RASGEF1A: variants seen among roughly 807,000 people sequenced by gnomAD.
RASGEF1A encodes RasGEF domain family member 1A.
In RASGEF1A, 18 loss-of-function variants were observed where a neutral mutation model predicts 56.4. The ratio of observed to expected loss-of-function variants is 0.32; its 90% CI spans 0.22 to 0.47. The LOEUF is 0.47. Ranked by LOEUF, RASGEF1A falls within the 20% of genes least tolerant of loss-of-function variation. The probability of loss-of-function intolerance (pLI) is 1.00; values close to 1 mark genes in which losing one functional copy is unlikely to be tolerated. For missense variants in RASGEF1A, 422 were observed against 627.1 expected (o/e 0.67, Z 3.49); for synonymous variants, 245 against 242.6 (o/e 1.01, Z -0.09).
rs539439075 is a variant in RASGEF1A, at chr10:43,252,181, T to A, written c.-7+14664A>T. Among the ~76,000 whole-genome samples the A allele has an allele frequency of 5.9e-5, 9 of 152,306 alleles. No individual in the cohort carries two copies. In the South Asian group the frequency reaches 1.9e-3, roughly 32 times the overall value. ...GGGAATAGAGGGCTGACCCAGGCAC[T>A]CCTGTGTGTGCACGGTACTGCCACC... On this transcript the variant is annotated intron_variant, in intron 1 of 12. Coordinates refer to ENST00000395810, the MANE Select transcript of RASGEF1A (RefSeq NM_145313.4).
intron 1 of RASGEF1A, among the ~76,000 whole-genome samples, chr10:43,211,322 C>A (rs1363432528): frequency 2.0e-5 from 3 of 152,168 alleles, no homozygotes; most frequent in African/African-American, 7.2e-5. Context: ...AGGGGGTCCT[C>A]CCTGTATCTG....
chr10:43,245,680 T>C (rs1197234831), intron 1 of RASGEF1A, among the ~76,000 whole-genome samples: 2 of 152,182 alleles, frequency 1.3e-5, no homozygotes, highest in African/African-American at 4.8e-5. Context: ...TCACAATAGA[T>C]GCAGAAAAAT....
intron 1 of RASGEF1A, 80 bp from the exon 2 acceptor site, chr10:43,206,202 C>T (rs894846770): frequency 6.6e-5 from 80 of 1,213,300 alleles, no homozygotes; most frequent in Middle Eastern, 5.5e-4. Flanking sequence ...CAGCCTGCAG[C>T]GTGCATGCAT....
chr10:43,229,608 C>A, intron 1 of RASGEF1A: 2 of 1,479,562 alleles, frequency 1.4e-6, no homozygotes, highest in Middle Eastern at 2.0e-4. Context: ...TGCCCCGCGG[C>A]CTTGCGCCTG....
intron 1 of RASGEF1A, among the ~76,000 whole-genome samples, chr10:43,236,302 C>T (rs888587865): frequency 2.0e-5 from 3 of 152,236 alleles, no homozygotes; most frequent in Admixed American, 2.0e-4. Context: ...GGGCACCGCG[C>T]ATCCATGTGT....
intron 1 of RASGEF1A, among the ~76,000 whole-genome samples, chr10:43,242,720 A>G (rs925980396): frequency 6.6e-6 from 1 of 152,114 alleles, no homozygotes; most frequent in Non-Finnish European, 1.5e-5. Context: ...TTTGGTGCAG[A>G]CAGGGTTTCG....
At chr10:43,204,163 C>T (rs1163274759) in intron 2 of RASGEF1A, among the ~76,000 whole-genome samples, 1 of 152,188 alleles carries the variant, frequency 6.6e-6, no homozygotes. Flanking sequence ...ACAGGGTAGA[C>T]TTGCAGGTTG....
intron 1 of RASGEF1A, chr10:43,207,212 G>A (rs1423981866): frequency 5.1e-6 from 5 of 985,394 alleles, no homozygotes; most frequent in Admixed American, 6.1e-5. Context: ...CAGCACAGGT[G>A]CCAGCGGCTG....
At chr10:43,211,640 T>C (rs1588934125) in intron 1 of RASGEF1A, among the ~76,000 whole-genome samples, 1 of 152,080 alleles carries the variant, frequency 6.6e-6, no homozygotes, top group Admixed American at 6.5e-5. Flanking sequence ...ACTCGTGGGG[T>C]CCTGCTGCTG....
At position 43,263,631 on chromosome 10, in the gene RASGEF1A, C is replaced by T. The variant is rs1252180521; in HGVS notation, c.-7+3214G>A. 2.0e-5 allele frequency among the ~76,000 whole-genome samples: 3 copies of T among 152,142 alleles called. No homozygotes were observed. In the East Asian group the frequency reaches 5.8e-4, roughly 29 times the overall value. ...CAGCTCACAAGAGACAAGCAGGTCT[C>T]GGAGCCCCTGCTGGCTGCCCTGGGC... is the stretch of plus-strand genomic sequence containing the variant. On this transcript the variant is annotated intron_variant, in intron 1 of 12. Coordinates refer to ENST00000395810, the MANE Select transcript of RASGEF1A (RefSeq NM_145313.4).
intron 1 of RASGEF1A, among the ~76,000 whole-genome samples, chr10:43,265,959 G>A (rs1836615297): frequency 6.6e-6 from 1 of 152,240 alleles, no homozygotes; most frequent in Non-Finnish European, 1.5e-5. Flanking sequence ...GAGAAGAGTG[G>A]CAGTGGTGGG....
chr10:43,256,096 A>C (rs1029961173), intron 1 of RASGEF1A, among the ~76,000 whole-genome samples: 2 of 152,170 alleles, frequency 1.3e-5, no homozygotes, highest in African/African-American at 2.4e-5. Flanking sequence ...GTGCAGGAGG[A>C]GGCCCCCAGG....
intron 1 of RASGEF1A, chr10:43,207,065 A>C (rs899563657): frequency 1.2e-5 from 12 of 985,408 alleles, no homozygotes; most frequent in African/African-American, 5.2e-5. Flanking sequence ...AGTGCCCCAG[A>C]CAGCCAGCCA....
At chr10:43,202,086 G>T in intron 3 of RASGEF1A, 141 bp from the exon 4 acceptor site, 1 of 876,556 alleles carries the variant, frequency 1.1e-6, no homozygotes, top group Non-Finnish European at 1.6e-6. Context: ...GCCACCTGCG[G>T]TTTGGCCAAA....
intron 1 of RASGEF1A, among the ~76,000 whole-genome samples, chr10:43,228,867 T>C (rs925030995): frequency 4.6e-5 from 7 of 152,240 alleles, no homozygotes; most frequent in African/African-American, 1.7e-4. Context: ...GATAAATGCA[T>C]GCTGAGTAAG....
intron 1 of RASGEF1A, chr10:43,229,827 C>T (rs896012457): frequency 7.3e-5 from 75 of 1,033,954 alleles, no homozygotes; most frequent in Non-Finnish European, 9.2e-5. Context: ...GGCTGGGGAC[C>T]GCGGGGTCCG....
Position 43,199,009 on chromosome 10 carries a change from C to G in RASGEF1A, c.956G>C (p.Gly319Ala). The part of the protein sequence containing the change: ...NFNSMMAIIS[G>A]MNLSPVARLK... Reference sequence around the variant, plus strand: ...CCTTGCCACAGGACTGAGGTTCATGCCAGCTGCAGAGGACAGCAGGTAGGG... The same window carrying G: ...CCTTGCCACAGGACTGAGGTTCATGGCAGCTGCAGAGGACAGCAGGTAGGG... The change falls in exon 9 of 13, where the codon GGC (glycine) becomes GCC (alanine). Residue 319 changes from glycine (G) to alanine (A), a missense_variant. Around this residue, in one of 2 missense-constraint regions of RASGEF1A, gnomAD observed 149 missense variants for 287.2 expected, o/e 0.52. Coordinates refer to ENST00000395810, the MANE Select transcript of RASGEF1A (RefSeq NM_145313.4). The G allele has an allele frequency of 6.2e-7, 1 of 1,613,400 alleles. No homozygotes were observed. The highest frequency in any genetic ancestry group is 1.3e-5 in the African/African-American group (1 of 75,024).
At chr10:43,239,585 C>G (rs1840478172) in intron 1 of RASGEF1A, among the ~76,000 whole-genome samples, 1 of 152,170 alleles carries the variant, frequency 6.6e-6, no homozygotes, top group Admixed American at 6.5e-5. Context: ...TTGAACTTGC[C>G]CTAGTCCCAT....
chr10:43,248,590 G>A (rs756455383), intron 1 of RASGEF1A, among the ~76,000 whole-genome samples: 51 of 152,272 alleles, frequency 3.3e-4, no homozygotes, highest in Non-Finnish European at 5.9e-4. Flanking sequence ...GGTGAGAATG[G>A]TCTCACTGCA....
Sources: allele counts gnomAD v4.1 joint callset (sites outside exome capture counted in the v4.1 genomes callset), GRCh38; gene constraint gnomAD v4.1.1; regional missense constraint gnomAD v4.1.1; transcripts MANE v1.5; gene names NCBI Gene and HGNC (gene_info 2026-07-23, HGNC 2026-07-21).